The following DAPK2 variants were observed in gnomAD, a reference collection of about 807,000 sequenced individuals.
The protein encoded by DAPK2 is death-associated protein kinase 2.
A neutral mutation model predicts 44.1 loss-of-function variants in DAPK2; 35 were observed. The observed-to-expected ratio is 0.79, with a 90% CI of 0.61 to 1.05. The LOEUF is 1.05. Among genes scored for constraint, DAPK2 ranks in the 50% least tolerant of loss-of-function variants. The pLI, the probability that DAPK2 is intolerant of heterozygous loss-of-function variation, is 0.00. For synonymous variants in DAPK2, 174 were observed against 182.6 expected (o/e 0.95, Z 0.38); for missense variants, 453 against 483.2 (o/e 0.94, Z 0.59).
intron 10 of DAPK2, chr15:63,911,651 C>G (rs2078795024): frequency 2.0e-6 from 1 of 511,882 alleles, no homozygotes; most frequent in South Asian, 2.9e-5. Flanking sequence ...GAAGGCCCAC[C>G]AGGAAAGGAT....
chr15:63,935,360 G>A (rs1003524780), intron 4 of DAPK2, among the ~76,000 whole-genome samples: 1 of 151,996 alleles, frequency 6.6e-6, no homozygotes, highest in African/African-American at 2.4e-5. Context: ...CAAAGTCCTG[G>A]GATTACAGGC....
Position 63,939,947 on chromosome 15 carries a change from G to A in DAPK2, c.454-586C>T, listed in dbSNP as rs1461191285. Among the ~76,000 whole-genome samples, 4 of 152,198 alleles carry A rather than the reference G, an allele frequency of 2.6e-5. No homozygotes were observed. The highest frequency in any genetic ancestry group is 4.4e-5 in the Non-Finnish European group (3 of 68,038). ...GTCCTCAGCAGGACACAGGAAAAAT[G>A]CACCCGATTTCCAGGGAAAATACCA... On this transcript the variant is annotated intron_variant, in intron 3 of 10. Transcript: ENST00000261891. This position sits in a 1 kb window ranked among gnomAD's most constrained non-coding sequence, Gnocchi z 4.3.
At chr15:63,940,938 G>A (rs966720780) in intron 3 of DAPK2, among the ~76,000 whole-genome samples, 1 of 152,106 alleles carries the variant, frequency 6.6e-6, no homozygotes, top group South Asian at 2.1e-4. Flanking sequence ...GAGAGATGGG[G>A]AGTACAAGGT....
chr15:64,022,600 G>A (rs949280930), intron 1 of DAPK2, among the ~76,000 whole-genome samples: 5 of 152,112 alleles, frequency 3.3e-5, no homozygotes, highest in African/African-American at 7.2e-5. Context: ...GTGAACACTC[G>A]AGCCCGGAAG....
At chr15:64,037,415 C>T (rs1026562195) in intron 1 of DAPK2, among the ~76,000 whole-genome samples, 2 of 152,206 alleles carry the variant, frequency 1.3e-5, no homozygotes, top group Non-Finnish European at 2.9e-5. Context: ...ATCCCCATGC[C>T]CCATCAATCC....
At chr15:63,929,669 C>T (rs975698853) in intron 5 of DAPK2, 92 bp from the exon 7 acceptor site, 2 of 1,480,140 alleles carry the variant, frequency 1.4e-6, no homozygotes, top group East Asian at 2.3e-5. Flanking sequence ...GAAGAGGTCA[C>T]TTGCCTCCTC....
Position 63,980,477 on chromosome 15 carries a change from T to C in DAPK2, c.314+3056A>G, listed in dbSNP as rs914542464. On this transcript the variant is annotated intron_variant, in intron 2 of 10. Transcript: ENST00000261891. This position sits in a 1 kb window ranked among gnomAD's most constrained non-coding sequence, Gnocchi z 4.3. ...GGCACACAGCAACACTCCTACGTTG[T>C]GGTAGTAATGGTTAACCAGCACCAT... is the stretch of plus-strand genomic sequence containing the variant. Among the ~76,000 whole-genome samples, 5 of 152,220 alleles carry C rather than the reference T, an allele frequency of 3.3e-5. No homozygotes were observed. The highest frequency in any genetic ancestry group is 3.3e-4 in the Admixed American group (5 of 15,286).
chr15:63,975,646 T>A (rs1027618860), intron 2 of DAPK2, among the ~76,000 whole-genome samples: 1 of 151,768 alleles, frequency 6.6e-6, no homozygotes, highest in Non-Finnish European at 1.5e-5. Context: ...TTGCCCAGGC[T>A]GGAGTGCAGT....
At chr15:63,965,925 G>T (rs1215718649) in intron 3 of DAPK2, among the ~76,000 whole-genome samples, 10 of 152,202 alleles carry the variant, frequency 6.6e-5, no homozygotes, top group African/African-American at 2.4e-4. Flanking sequence ...GAAACCCGAA[G>T]AGCCCACTTG....
At chr15:64,039,307 T>C (rs1236799217) in intron 1 of DAPK2, among the ~76,000 whole-genome samples, 1 of 152,250 alleles carries the variant, frequency 6.6e-6, no homozygotes, top group Non-Finnish European at 1.5e-5. Flanking sequence ...TGTGTGAGTG[T>C]ACAAGTGCCA....
chr15:63,965,818 T>C (rs948892231), intron 3 of DAPK2, among the ~76,000 whole-genome samples: 2 of 152,204 alleles, frequency 1.3e-5, no homozygotes, highest in Non-Finnish European at 2.9e-5. Flanking sequence ...TTGTGGTGAA[T>C]ACTGCCAGGC....
rs186399600 is a variant in DAPK2, at chr15:64,013,514, A to G, written c.92+26656T>C. Among the ~76,000 whole-genome samples, 1 of 152,342 alleles carries G rather than the reference A, an allele frequency of 6.6e-6. No homozygotes were observed. Among genetic ancestry groups the G allele is most frequent in the East Asian group, 1.9e-4 (1 of 5,192 alleles). ...CAGTCCTATGGAAGCAAATACCTTA[A>G]GAAAACATGAGGAGAAGGGGCAAGA... On this transcript the variant is annotated intron_variant, in intron 1 of 10. Transcript: ENST00000261891. This position sits in a 1 kb window ranked among gnomAD's most constrained non-coding sequence, Gnocchi z 4.7.
rs2146527618 is a variant in DAPK2 at position 63,916,862 on chromosome 15, T to A, written c.859-4665A>T. Reference sequence around the variant, plus strand: ...GAAAAGCTTCAAAGGTTCTTCCTTTTGTACTGTTATAAAACCCAAGAGACT... The same window carrying A: ...GAAAAGCTTCAAAGGTTCTTCCTTTAGTACTGTTATAAAACCCAAGAGACT... On this transcript the variant is annotated intron_variant, in intron 8 of 10. Coordinates refer to ENST00000261891, the Ensembl canonical transcript of DAPK2. The surrounding 1 kb of genome is among the most constrained non-coding windows in gnomAD (Gnocchi z 4.7). 1 of 152,382 alleles carries A rather than the reference T, an allele frequency of 6.6e-6. No individual in the cohort carries two copies. The highest frequency in any genetic ancestry group is 1.9e-4 in the East Asian group (1 of 5,190). The allele number at this position is 152,382 out of a possible 1,614,324, so 9.4% of individuals were successfully genotyped here.
chr15:63,937,811 T>A (rs948863034), intron 4 of DAPK2, among the ~76,000 whole-genome samples: 1 of 152,248 alleles, frequency 6.6e-6, no homozygotes, highest in African/African-American at 2.4e-5. Context: ...ATAATAAACT[T>A]AATAGACATG....
intron 1 of DAPK2, among the ~76,000 whole-genome samples, chr15:63,984,231 T>C (rs1176095311): frequency 6.6e-6 from 1 of 151,494 alleles, no homozygotes. Flanking sequence ...AAACAGAGAG[T>C]TGTACAATTA....
upstream of DAPK2, among the ~76,000 whole-genome samples, chr15:64,040,642 T>C (rs1292471941): frequency 6.6e-6 from 1 of 151,986 alleles, no homozygotes; most frequent in Non-Finnish European, 1.5e-5. Flanking sequence ...CCAGGCATGG[T>C]GCTCACAACT....
chr15:63,959,501 TA>T (rs1395177403), intron 3 of DAPK2, among the ~76,000 whole-genome samples: 17 of 152,222 alleles, frequency 1.1e-4, no homozygotes, highest in African/African-American at 4.1e-4. Flanking sequence ...TTGTCATAAA[TA>T]GCTCTTATTA....
intron 1 of DAPK2, among the ~76,000 whole-genome samples, chr15:64,006,032 G>C (rs1206341251): frequency 8.5e-6 from 1 of 117,382 alleles, no homozygotes; most frequent in East Asian, 2.3e-4. Context: ...GCCAGATCCT[G>C]ACTCAAAAAA....
At chr15:64,027,321 T>C (rs181955983) in intron 1 of DAPK2, among the ~76,000 whole-genome samples, 14 of 151,676 alleles carry the variant, frequency 9.2e-5, no homozygotes, top group African/African-American at 3.4e-4. Flanking sequence ...GAGGTGGAGG[T>C]TGCAGTGAGC....
Sources: allele counts gnomAD v4.1 joint callset (sites outside exome capture counted in the v4.1 genomes callset), GRCh38; gene constraint gnomAD v4.1.1; non-coding constraint Gnocchi (gnomAD v3.1); transcripts MANE v1.5; gene names NCBI Gene and HGNC (gene_info 2026-07-23, HGNC 2026-07-21).